PTPRM: variants seen among roughly 807,000 people sequenced by gnomAD.
PTPRM encodes the protein receptor-type tyrosine-protein phosphatase mu.
Under a neutral mutation model 186.7 loss-of-function variants are expected in PTPRM, and 47 were observed. The observed-to-expected ratio is 0.25, with a 90% CI of 0.20 to 0.32. The LOEUF (loss-of-function observed/expected upper bound fraction) is 0.32. Ranked by LOEUF, PTPRM falls within the 10% of genes least tolerant of loss-of-function variation. The pLI is 1.00. For missense variants in PTPRM, 1,494 were observed against 1,865.0 expected (o/e 0.80, Z 3.66); for synonymous variants, 668 against 674.9 (o/e 0.99, Z 0.16).
At chr18:7,865,716 G>T (rs59829462) in intron 2 of PTPRM, among the ~76,000 whole-genome samples, 37,923 of 152,084 alleles carry the variant, frequency 0.25, 5,621 homozygotes, top group East Asian at 0.5. Context: ...AGTTACGGAG[G>T]ATTCCTTCTT....
chr18:7,733,718 G>T (rs1015480465), intron 1 of PTPRM, among the ~76,000 whole-genome samples: 1 of 152,126 alleles, frequency 6.6e-6, no homozygotes, highest in Non-Finnish European at 1.5e-5. Context: ...CTGTAAGCAG[G>T]TTTCCACCTC....
chr18:7,736,949 C>T (rs1378371960), intron 1 of PTPRM, among the ~76,000 whole-genome samples: 1 of 152,030 alleles, frequency 6.6e-6, no homozygotes, highest in Non-Finnish European at 1.5e-5. Flanking sequence ...GGATTACAGG[C>T]TTGTGTCACC....
At chr18:7,977,500 T>G (rs2055034675) in intron 7 of PTPRM, among the ~76,000 whole-genome samples, 1 of 152,038 alleles carries the variant, frequency 6.6e-6, no homozygotes, top group African/African-American at 2.4e-5. Flanking sequence ...GGAACAGCCT[T>G]GGAATATAGA....
chr18:7,993,451 A>G (rs2083369598), intron 7 of PTPRM, among the ~76,000 whole-genome samples: 1 of 152,040 alleles, frequency 6.6e-6, no homozygotes, highest in South Asian at 2.1e-4. Context: ...AAAGTTAAAG[A>G]GAGAATTCTA....
intron 1 of PTPRM, among the ~76,000 whole-genome samples, chr18:7,750,722 T>C (rs1208364926): frequency 1.3e-5 from 2 of 152,154 alleles, no homozygotes; most frequent in African/African-American, 4.8e-5. Context: ...ACAGGTTACT[T>C]CATTTGGCTT....
chr18:8,036,995 G>C (rs1350369064), intron 7 of PTPRM, among the ~76,000 whole-genome samples: 1 of 152,138 alleles, frequency 6.6e-6, no homozygotes, highest in Admixed American at 6.6e-5. Flanking sequence ...TCTGAACTGG[G>C]ATCATGGGCT....
At chr18:7,718,260 C>T (rs2040380633) in intron 1 of PTPRM, among the ~76,000 whole-genome samples, 1 of 151,954 alleles carries the variant, frequency 6.6e-6, no homozygotes, top group Non-Finnish European at 1.5e-5. Flanking sequence ...GAAATAAAGC[C>T]AAATACAGCC....
intron 1 of PTPRM, among the ~76,000 whole-genome samples, chr18:7,617,600 C>T (rs1261618817): frequency 6.6e-6 from 1 of 151,952 alleles, no homozygotes; most frequent in African/African-American, 2.4e-5. Flanking sequence ...AAGTTATTTG[C>T]TTAATTGAAA....
rs552051683 is a variant in PTPRM at position 7,974,030 on chromosome 18, T to C, written c.1132+18616T>C. Among the ~76,000 whole-genome samples the C allele has an allele frequency of 5.3e-5, 8 of 152,018 alleles. No homozygotes were observed. In the East Asian group the frequency reaches 1.2e-3, roughly 22 times the overall value. ...GAGGAGCCTTCTGGGGACAGTTCCTTTGCACTTCAATGATGCGCGAGGAGA... is the reference window on the plus strand; with the variant it reads ...GAGGAGCCTTCTGGGGACAGTTCCTCTGCACTTCAATGATGCGCGAGGAGA... On this transcript the variant is annotated intron_variant, in intron 7 of 32. Transcript: ENST00000580170.
intron 1 of PTPRM, among the ~76,000 whole-genome samples, chr18:7,640,473 T>C (rs2038418986): frequency 6.6e-6 from 1 of 152,148 alleles, no homozygotes; most frequent in South Asian, 2.1e-4. Context: ...GAGTCCCCAG[T>C]TGAAACTAGT....
At chr18:7,607,435 C>A (rs1466919606) in intron 1 of PTPRM, among the ~76,000 whole-genome samples, 1 of 2,654 alleles carries the variant, frequency 3.8e-4, no homozygotes, top group Non-Finnish European at 5.5e-4. Context: ...GGAGAGGAGG[C>A]AGCTAGCCTA....
intron 14 of PTPRM, among the ~76,000 whole-genome samples, chr18:8,226,149 A>T (rs1407120580): frequency 4.3e-5 from 2 of 46,902 alleles, no homozygotes; most frequent in African/African-American, 2.7e-4. Flanking sequence ...ATGTGTGGTT[A>T]AAAAAAAAAT....
intron 14 of PTPRM, among the ~76,000 whole-genome samples, chr18:8,227,096 A>T (rs1448286502): frequency 6.6e-6 from 1 of 152,226 alleles, no homozygotes; most frequent in Non-Finnish European, 1.5e-5. Flanking sequence ...CATTTTGCCA[A>T]GTAATGTACC....
intron 2 of PTPRM, among the ~76,000 whole-genome samples, chr18:7,827,069 C>G (rs1424836376): frequency 1.3e-5 from 2 of 152,102 alleles, no homozygotes; most frequent in Non-Finnish European, 2.9e-5. Context: ...GCCATTGTAC[C>G]CCAGCCTGGG....
intron 2 of PTPRM, among the ~76,000 whole-genome samples, chr18:7,871,227 T>C (rs2047968266): frequency 6.6e-6 from 1 of 152,172 alleles, no homozygotes; most frequent in Non-Finnish European, 1.5e-5. Flanking sequence ...GGACAATGAA[T>C]GAAGTGAATG....
intron 1 of PTPRM, among the ~76,000 whole-genome samples, chr18:7,729,544 A>T (rs2040615569): frequency 6.6e-6 from 1 of 152,158 alleles, no homozygotes; most frequent in African/African-American, 2.4e-5. Context: ...AAAACAGTAC[A>T]AAAGACTTAG....
chr18:7,747,779 A>G (rs1351776538), intron 1 of PTPRM: 3 of 152,172 alleles, frequency 2.0e-5, no homozygotes, highest in African/African-American at 7.2e-5. Context: ...CAATGACCCT[A>G]TTTTTAAATA....
At chr18:7,601,164 G>A (rs1344960472) in intron 1 of PTPRM, among the ~76,000 whole-genome samples, 1 of 152,198 alleles carries the variant, frequency 6.6e-6, no homozygotes, top group Non-Finnish European at 1.5e-5. Context: ...CAGAAAACTG[G>A]CTGTTGTATC....
chr18:8,213,720 G>T (rs4442889), intron 14 of PTPRM, among the ~76,000 whole-genome samples: 40,778 of 151,824 alleles, frequency 0.27, 5,505 homozygotes, highest in Middle Eastern at 0.51. Context: ...ACTAAAAGTG[G>T]ATCCACCATT....
Sources: gnomAD v4.1 joint callset for allele counts (sites outside exome capture counted in the v4.1 genomes callset) on GRCh38, gnomAD v4.1.1 for gene constraint, MANE v1.5 for transcripts, NCBI Gene and HGNC (gene_info 2026-07-23, HGNC 2026-07-21) for gene names.